PLEKHM3: variants seen among roughly 807,000 people sequenced by gnomAD.
PLEKHM3 encodes the protein pleckstrin homology domain-containing family M member 3.
A neutral mutation model predicts 81.8 loss-of-function variants in PLEKHM3; 45 were observed. The observed-to-expected ratio is 0.55, with a 90% confidence interval of 0.43 to 0.71. PLEKHM3 has a LOEUF of 0.71. Ranked by LOEUF, PLEKHM3 falls within the 30% of genes least tolerant of loss-of-function variation. The probability of loss-of-function intolerance (pLI) is 0.00; values close to 1 mark genes in which losing one functional copy is unlikely to be tolerated. For missense variants in PLEKHM3, 788 were observed against 924.3 expected, an observed-to-expected ratio of 0.85 and a Z score of 1.91; for synonymous variants, 352 against 356.4, an observed-to-expected ratio of 0.99 and a Z score of 0.14.
intron 6 of PLEKHM3, among the ~76,000 whole-genome samples, chr2:207,904,670 C>T (rs969645223): frequency 5.3e-5 from 8 of 152,190 alleles, no homozygotes. Flanking sequence ...AATTGTCAAT[C>T]CTTGCTATTT....
chr2:207,949,294 T>A (rs1348043919), intron 3 of PLEKHM3, among the ~76,000 whole-genome samples: 2 of 152,194 alleles, frequency 1.3e-5, no homozygotes, highest in Non-Finnish European at 2.9e-5. Context: ...ACACTTGTAA[T>A]CCTAGCACTT....
intron 3 of PLEKHM3, among the ~76,000 whole-genome samples, chr2:207,969,919 T>G (rs1691053189): frequency 6.6e-6 from 1 of 152,212 alleles, no homozygotes; most frequent in Non-Finnish European, 1.5e-5. Flanking sequence ...GATAAAATCT[T>G]AGTGCAAAGG....
Position 208,001,381 on chromosome 2 carries a change from T to G in PLEKHM3, c.259A>C (p.Asn87His). ...KSRLLETKAQNVFPAKEQFMV... is the reference protein window; with the variant it reads ...KSRLLETKAQHVFPAKEQFMV... ...AACTGTTCTTTGGCAGGGAAGACAT[T>G]TTGAGCTTTGGTTTCTAAGAGCCTG... The change falls in exon 2 of 8, where the codon AAT (asparagine) becomes CAT (histidine). Residue 87 changes from asparagine (N) to histidine (H), a missense_variant. By Grantham distance (68) the Asn-to-His change is moderately conservative (BLOSUM62 1). Transcript: ENST00000427836. 1 of 1,614,176 alleles carries G rather than the reference T, an allele frequency of 6.2e-7. No homozygotes were observed. Among genetic ancestry groups the G allele is most frequent in the Non-Finnish European group, 8.5e-7 (1 of 1,180,022 alleles).
chr2:207,901,243 T>C, intron 6 of PLEKHM3: 1 of 703,020 alleles, frequency 1.4e-6, no homozygotes, highest in Admixed American at 2.0e-5. Flanking sequence ...CCACATCCCG[T>C]GCCGAGCTCC....
At chr2:207,962,744 G>T (rs1363747848) in intron 3 of PLEKHM3, among the ~76,000 whole-genome samples, 2 of 152,122 alleles carry the variant, frequency 1.3e-5, no homozygotes, top group Non-Finnish European at 2.9e-5. Flanking sequence ...AACAGATTAT[G>T]TGCAAATAAA....
At chr2:207,878,347 G>A (rs964451818) in intron 6 of PLEKHM3, among the ~76,000 whole-genome samples, 3 of 152,098 alleles carry the variant, frequency 2.0e-5, no homozygotes, top group Non-Finnish European at 4.4e-5. Flanking sequence ...AGTGGTTCAC[G>A]CCTGTAATCT....
Position 207,824,937 on chromosome 2 carries a change from A to T in PLEKHM3, c.*3382T>A, listed in dbSNP as rs538981728. 6.6e-6 allele frequency: 1 copy of T among 152,154 alleles called. No individual in the cohort carries two copies. The highest frequency in any genetic ancestry group is 2.4e-5 in the African/African-American group (1 of 41,432). 9.4% of individuals were successfully genotyped at this position (152,154 alleles called of 1,614,324 possible). ...GTGGAGGCCTACTCTAGAAGAATCA[A>T]AAACCGATGACCCTCTCAGCGAATC... On this transcript the variant is annotated 3_prime_UTR_variant, in exon 8 of 8. Coordinates refer to ENST00000427836, the MANE Select transcript of PLEKHM3 (RefSeq NM_001080475.3).
intron 3 of PLEKHM3, among the ~76,000 whole-genome samples, chr2:207,963,022 C>T (rs1045389681): frequency 6.6e-6 from 1 of 151,624 alleles, no homozygotes; most frequent in African/African-American, 2.4e-5. Context: ...TGACTCCAAC[C>T]TTGGATTCCT....
intron 2 of PLEKHM3, among the ~76,000 whole-genome samples, chr2:207,978,844 C>A (rs1356703704): frequency 6.6e-6 from 1 of 152,184 alleles, no homozygotes; most frequent in East Asian, 1.9e-4. Flanking sequence ...CTATCATGGG[C>A]TCTTAGTTCA....
intron 4 of PLEKHM3, among the ~76,000 whole-genome samples, chr2:207,932,556 A>T (rs1412450551): frequency 2.0e-5 from 3 of 152,256 alleles, no homozygotes; most frequent in African/African-American, 7.2e-5. Context: ...AAGTATATTA[A>T]TAAAGATATA....
At chr2:207,882,838 AT>A (rs1006048141) in intron 6 of PLEKHM3, among the ~76,000 whole-genome samples, 48 of 151,348 alleles carry the variant, frequency 3.2e-4, no homozygotes, top group Non-Finnish European at 6.3e-4. Context: ...TTTTTTTTTA[AT>A]TTTTTTTCCC....
At chr2:208,014,063 C>T (rs1692793108) in intron 1 of PLEKHM3, among the ~76,000 whole-genome samples, 1 of 152,174 alleles carries the variant, frequency 6.6e-6, no homozygotes, top group Admixed American at 6.5e-5. Flanking sequence ...AAAGGGCAGA[C>T]ATACTCAGCA....
At chr2:207,858,728 A>G (rs1366317196) in intron 7 of PLEKHM3, among the ~76,000 whole-genome samples, 1 of 151,914 alleles carries the variant, frequency 6.6e-6, no homozygotes, top group Non-Finnish European at 1.5e-5. Flanking sequence ...TGATCCACCC[A>G]CCTGCGCCTC....
chr2:208,012,074 C>T (rs1316890778), intron 1 of PLEKHM3, among the ~76,000 whole-genome samples: 7 of 152,028 alleles, frequency 4.6e-5, no homozygotes. Context: ...CGGAGTCTCG[C>T]TCTGTCGCCC....
chr2:207,847,527 T>C (rs1464464249), intron 7 of PLEKHM3, among the ~76,000 whole-genome samples: 1 of 152,222 alleles, frequency 6.6e-6, no homozygotes, highest in Non-Finnish European at 1.5e-5. Context: ...ATGTGAGCTG[T>C]CTGGGCTTCA....
chr2:207,878,379 C>T (rs1026440679), intron 6 of PLEKHM3, among the ~76,000 whole-genome samples: 32 of 152,092 alleles, frequency 2.1e-4, no homozygotes, highest in African/African-American at 7.0e-4. Flanking sequence ...GAGGCAGAGG[C>T]GGGCGAATCA....
chr2:207,929,945 T>C lies in PLEKHM3; in HGVS notation c.1886+981A>G, dbSNP rs1010235530. On this transcript the variant is annotated intron_variant, in intron 5 of 7. Transcript: ENST00000427836. ...AATGCATGCTGCTGGTCATTTCTAT[T>C]AAAACAAAAAAATTAAAAGGTATTT... The C allele has an allele frequency of 7.2e-6, 5 of 695,156 alleles. No individual in the cohort carries two copies. The African/African-American group carries it at 8.8e-5, about 12-fold the overall frequency. 43.1% of individuals were successfully genotyped at this position (695,156 alleles called of 1,614,324 possible).
chr2:208,020,221 A>G (rs1693080211), intron 1 of PLEKHM3, among the ~76,000 whole-genome samples: 1 of 152,266 alleles, frequency 6.6e-6, no homozygotes, highest in African/African-American at 2.4e-5. Context: ...AACTGGTTAC[A>G]CTAGTCAGGA....
intron 7 of PLEKHM3, among the ~76,000 whole-genome samples, chr2:207,836,124 G>C (rs2092317652): frequency 6.6e-6 from 1 of 152,156 alleles, no homozygotes; most frequent in South Asian, 2.1e-4. Flanking sequence ...TGGGATAGGA[G>C]CAGGGGAACA....
Sources: allele counts gnomAD v4.1 joint callset (sites outside exome capture counted in the v4.1 genomes callset), GRCh38; gene constraint gnomAD v4.1.1; transcripts MANE v1.5; gene names NCBI Gene and HGNC (gene_info 2026-07-23, HGNC 2026-07-21).